Variants in CHRM3 observed in about 807,000 individuals in gnomAD.
CHRM3 encodes the protein muscarinic acetylcholine receptor M3.
Under a neutral mutation model 41.8 loss-of-function variants are expected in CHRM3, and 11 were observed. The observed-to-expected ratio is 0.26, with a 90% CI of 0.17 to 0.44. The LOEUF (loss-of-function observed/expected upper bound fraction) is 0.44, where lower values mean the gene tolerates loss of function less well. Among genes scored for constraint, CHRM3 ranks in the 20% least tolerant of loss-of-function variants. The probability of loss-of-function intolerance (pLI) is 1.00; values close to 1 mark genes in which losing one functional copy is unlikely to be tolerated. For missense variants in CHRM3, 571 were observed against 745.4 expected, an observed-to-expected ratio of 0.77 and a Z score of 2.72; for synonymous variants, 297 against 301.4, an observed-to-expected ratio of 0.99 and a Z score of 0.15.
chr1:239,600,485 C>A (rs1028929559), intron 3 of CHRM3, among the ~76,000 whole-genome samples: 5 of 152,124 alleles, frequency 3.3e-5, no homozygotes, highest in Admixed American at 2.0e-4. Flanking sequence ...AGAAAGACAT[C>A]TTTTGTTCCC....
intron 1 of CHRM3, among the ~76,000 whole-genome samples, chr1:239,398,434 C>G (rs981605466): frequency 7.2e-5 from 11 of 151,980 alleles, no homozygotes; most frequent in African/African-American, 1.5e-4. Context: ...CGGGGTTTCA[C>G]CATGTTGGTC....
rs554410499 is a variant in CHRM3, at chr1:239,735,058, C to A, written c.-147+56770C>A. 7.9e-5 allele frequency among the ~76,000 whole-genome samples: 12 copies of A among 152,152 alleles called. No homozygotes were observed. The East Asian group carries it at 2.3e-3, about 29-fold the overall frequency. On this transcript the variant is annotated intron_variant, in intron 5 of 6. Transcript: ENST00000676153. ...AAAGAATGATCATACTTTTGATTTG[C>A]CGATTTTTGTGAGGAGAAAATAGAC...
rs143296234 is a variant in CHRM3, at chr1:239,861,379, G to A, written c.-20+34001G>A. 5.1e-3 allele frequency among the ~76,000 whole-genome samples: 776 copies of A among 152,196 alleles called. 8 individuals carry two copies. The highest frequency in any genetic ancestry group is 0.024 in the Middle Eastern group (7 of 294). On this transcript the variant is annotated intron_variant, in intron 6 of 6. Transcript: ENST00000676153. ...GAGTTGAGATATGAAGGATAATTGT[G>A]TATTAACTAGCAAAAATGGACAAAA... is the stretch of plus-strand genomic sequence containing the variant.
intron 5 of CHRM3, among the ~76,000 whole-genome samples, chr1:239,813,138 C>T (rs1316031340): frequency 6.6e-6 from 1 of 152,086 alleles, no homozygotes; most frequent in Non-Finnish European, 1.5e-5. Flanking sequence ...ATTACCCTGA[C>T]GTGGTGGCGG....
In CHRM3 at chr1:239,691,991, G is replaced by A. The variant is rs1461299102; in HGVS notation, c.-147+13703G>A. On this transcript the variant is annotated intron_variant, in intron 5 of 6. Coordinates refer to ENST00000676153, the MANE Select transcript of CHRM3 (RefSeq NM_001375978.1). ...GGGGATGATCTCAAAATGAATTAGC[G>A]ATTTTAAATGTCACCAGTGTCTTAC... Among the ~76,000 whole-genome samples the A allele has an allele frequency of 3.3e-5, 5 of 152,154 alleles. No individual in the cohort carries two copies. The East Asian group carries it at 7.7e-4, about 23-fold the overall frequency.
intron 3 of CHRM3, among the ~76,000 whole-genome samples, chr1:239,576,062 T>G (rs1160668521): frequency 6.6e-6 from 1 of 152,266 alleles, no homozygotes; most frequent in East Asian, 1.9e-4. Context: ...AATGGAGTCC[T>G]GTAGTATTTG....
At chr1:239,390,873 A>G (rs887799989) in intron 1 of CHRM3, among the ~76,000 whole-genome samples, 1 of 152,228 alleles carries the variant, frequency 6.6e-6, no homozygotes, top group African/African-American at 2.4e-5. Flanking sequence ...ACAGTGGCTC[A>G]TGCCAGTAAT....
Position 239,878,112 on chromosome 1 carries a change from G to A in CHRM3, c.-19-29321G>A, listed in dbSNP as rs146979050. Among the ~76,000 whole-genome samples, 673 of 151,840 alleles carry A rather than the reference G, an allele frequency of 4.4e-3. 9 individuals are homozygous for A. Among genetic ancestry groups the A allele is most frequent in the African/African-American group, 0.015 (627 of 41,406 alleles). On this transcript the variant is annotated intron_variant, in intron 6 of 6. Coordinates refer to ENST00000676153, the MANE Select transcript of CHRM3 (RefSeq NM_001375978.1). ...TCACCATGTTAGCCAGGATGGTCTCGATCTCCTGACCTTGTAATCCACCCG... is the reference window on the plus strand; with the variant it reads ...TCACCATGTTAGCCAGGATGGTCTCAATCTCCTGACCTTGTAATCCACCCG...
chr1:239,558,480 C>A (rs1297428931), intron 3 of CHRM3, among the ~76,000 whole-genome samples: 2 of 152,178 alleles, frequency 1.3e-5, no homozygotes, highest in African/African-American at 4.8e-5. Context: ...TCATATCCAG[C>A]GACACTCTTG....
At chr1:239,667,478 C>T (rs562535953) in intron 4 of CHRM3, among the ~76,000 whole-genome samples, 130 of 152,262 alleles carry the variant, frequency 8.5e-4, no homozygotes, top group African/African-American at 2.9e-3. Flanking sequence ...CCTATCAGGA[C>T]GGCTTTTCAT....
At chr1:239,758,679 G>A (rs1666438870) in intron 5 of CHRM3, among the ~76,000 whole-genome samples, 1 of 152,088 alleles carries the variant, frequency 6.6e-6, no homozygotes, top group Non-Finnish European at 1.5e-5. Flanking sequence ...CAAATCGCCT[G>A]GACTATTAAA....
rs573084218 is a variant in CHRM3, at chr1:239,486,774, C to G, written c.-520-5935C>G. Among the ~76,000 whole-genome samples the G allele has an allele frequency of 6.6e-5, 10 of 152,302 alleles. No individual in the cohort carries two copies. The East Asian group carries it at 1.9e-3, about 29-fold the overall frequency. ...AACTTTCTGCTCTCTGATGCTTCCTCATCACCATCACCAGAAACTTTGTTT... is the reference window on the plus strand; with the variant it reads ...AACTTTCTGCTCTCTGATGCTTCCTGATCACCATCACCAGAAACTTTGTTT... On this transcript the variant is annotated intron_variant, in intron 1 of 6. Transcript: ENST00000676153.
At position 239,835,113 on chromosome 1, in the gene CHRM3, T is replaced by C. The variant is rs73129038; in HGVS notation, c.-20+7735T>C. ...AGTCATGTTCTACCTTAAATTGCCA[T>C]TGTGATTTAAACATGTTTCCCCCTT... On this transcript the variant is annotated intron_variant, in intron 6 of 6. Transcript: ENST00000676153. 4.2e-3 allele frequency among the ~76,000 whole-genome samples: 636 copies of C among 152,328 alleles called. 6 individuals are homozygous for C. Among genetic ancestry groups the C allele is most frequent in the African/African-American group, 0.015 (620 of 41,576 alleles).
At chr1:239,862,527 GA>G (rs555489615) in intron 6 of CHRM3, among the ~76,000 whole-genome samples, 8 of 150,800 alleles carry the variant, frequency 5.3e-5, no homozygotes, top group South Asian at 2.1e-4. Context: ...AGTAGAACAT[GA>G]AAAAAAAAGA....
intron 5 of CHRM3, among the ~76,000 whole-genome samples, chr1:239,813,895 C>A (rs491905): frequency 4.5e-5 from 6 of 134,234 alleles, no homozygotes; most frequent in East Asian, 4.2e-4. Flanking sequence ...CCAGCCTGGG[C>A]GACAGAGCGA....
At chr1:239,643,402 G>T (rs1671413884) in intron 4 of CHRM3, among the ~76,000 whole-genome samples, 1 of 152,202 alleles carries the variant, frequency 6.6e-6, no homozygotes, top group South Asian at 2.1e-4. Context: ...AGGCCTCCTT[G>T]AGCTGTGGTG....
At chr1:239,638,729 T>C (rs909880227) in intron 4 of CHRM3, among the ~76,000 whole-genome samples, 1 of 152,172 alleles carries the variant, frequency 6.6e-6, no homozygotes, top group African/African-American at 2.4e-5. Flanking sequence ...TTCACTCTGA[T>C]GGTAGTTTCT....
intron 6 of CHRM3, among the ~76,000 whole-genome samples, chr1:239,866,672 GAGAA>G (rs898933024): frequency 5.8e-4 from 88 of 152,274 alleles, no homozygotes; most frequent in African/African-American, 2.1e-3. Context: ...ATGCTTTAAG[GAGAA>G]AGAAATATTT....
At chr1:239,861,864 A>G (rs1425933319) in intron 6 of CHRM3, among the ~76,000 whole-genome samples, 1 of 152,240 alleles carries the variant, frequency 6.6e-6, no homozygotes, top group Non-Finnish European at 1.5e-5. Context: ...AACTGACTAA[A>G]TACCATTTAA....
Sources: gnomAD v4.1 joint callset for allele counts (sites outside exome capture counted in the v4.1 genomes callset) on GRCh38, gnomAD v4.1.1 for gene constraint, MANE v1.5 for transcripts, NCBI Gene and HGNC (gene_info 2026-07-23, HGNC 2026-07-21) for gene names.